GAS2: variants seen among roughly 807,000 people sequenced by gnomAD.
GAS2 encodes growth arrest specific 2.
GAS2 carries 20 observed loss-of-function variants against 37.5 expected under a neutral mutation model. The ratio of observed to expected loss-of-function variants is 0.53; its 90% CI spans 0.37 to 0.77. The LOEUF (loss-of-function observed/expected upper bound fraction) is 0.77. GAS2 is among the 30% of genes least tolerant of loss of function. The probability of loss-of-function intolerance (pLI) is 0.00; values close to 1 mark genes in which losing one functional copy is unlikely to be tolerated. For missense variants in GAS2, 336 were observed against 373.4 expected (o/e 0.90, Z 0.82); for synonymous variants, 144 against 132.2 (o/e 1.09, Z -0.61).
chr11:22,740,861 A>G (rs901468713), intron 5 of GAS2, among the ~76,000 whole-genome samples: 1 of 152,188 alleles, frequency 6.6e-6, no homozygotes, highest in African/African-American at 2.4e-5. Context: ...GCAGAACTAG[A>G]AGTGATTTTG....
At chr11:22,686,594 A>T (rs1436893837) in intron 3 of GAS2, among the ~76,000 whole-genome samples, 1 of 75,232 alleles carries the variant, frequency 1.3e-5, no homozygotes, top group Non-Finnish European at 2.6e-5. Context: ...AAAAAAAAAA[A>T]AAAAAAATAG....
chr11:22,753,110 T>G (rs1415290133), intron 6 of GAS2, among the ~76,000 whole-genome samples: 1 of 152,100 alleles, frequency 6.6e-6, no homozygotes, highest in Non-Finnish European at 1.5e-5. Flanking sequence ...GGATGAGAGA[T>G]AGTATAATTC....
chr11:22,632,900 A>T (rs1858763427), intron 1 of GAS2, among the ~76,000 whole-genome samples: 1 of 151,636 alleles, frequency 6.6e-6, no homozygotes, highest in South Asian at 2.1e-4. Flanking sequence ...TTGTTTCCAG[A>T]GTTCTGATTT....
At chr11:22,766,648 G>A (rs1350993876) in intron 7 of GAS2, among the ~76,000 whole-genome samples, 1 of 152,046 alleles carries the variant, frequency 6.6e-6, no homozygotes, top group African/African-American at 2.4e-5. Flanking sequence ...TTACAAAACA[G>A]CCTCAATAAC....
At chr11:22,805,808 G>A (rs1263549404) in intron 7 of GAS2, among the ~76,000 whole-genome samples, 2 of 152,150 alleles carry the variant, frequency 1.3e-5, no homozygotes, top group Non-Finnish European at 2.9e-5. Flanking sequence ...TGCTAAACAA[G>A]GGGTAGACTA....
intron 7 of GAS2, among the ~76,000 whole-genome samples, chr11:22,798,254 A>C (rs1856518227): frequency 6.6e-6 from 1 of 152,088 alleles, no homozygotes; most frequent in Non-Finnish European, 1.5e-5. Context: ...TATTATTTAA[A>C]AATAACAATA....
chr11:22,764,785 A>G (rs1348406047), intron 7 of GAS2, among the ~76,000 whole-genome samples: 2 of 152,166 alleles, frequency 1.3e-5, no homozygotes, highest in African/African-American at 4.8e-5. Flanking sequence ...AAAACCAAAA[A>G]TTATTCTTCA....
At chr11:22,752,508 G>A (rs373887145) in intron 6 of GAS2, among the ~76,000 whole-genome samples, 35 of 151,964 alleles carry the variant, frequency 2.3e-4, no homozygotes, top group African/African-American at 7.2e-4. Context: ...ATAGCAGTTC[G>A]GGGTTGAAAA....
chr11:22,637,229 TATA>T (rs1200695208), intron 1 of GAS2, among the ~76,000 whole-genome samples: 6 of 82,084 alleles, frequency 7.3e-5, no homozygotes, highest in East Asian at 3.4e-4. Context: ...AGTATACTAA[TATA>T]ATATTAATTA....
chr11:22,637,065 A>C (rs1051344917), intron 1 of GAS2, among the ~76,000 whole-genome samples: 3 of 132,918 alleles, frequency 2.3e-5, no homozygotes, highest in African/African-American at 8.5e-5. Flanking sequence ...ATATTATTAT[A>C]TTAATATTAT....
At chr11:22,754,212 A>G (rs115084783) in intron 6 of GAS2, among the ~76,000 whole-genome samples, 2,101 of 152,082 alleles carry the variant, frequency 0.014, 58 homozygotes, top group African/African-American at 0.048. Flanking sequence ...TCCCCCTGTG[A>G]CCTGTATAGA....
chr11:22,677,208 G>C (rs911045982), intron 2 of GAS2, among the ~76,000 whole-genome samples: 1 of 152,086 alleles, frequency 6.6e-6, no homozygotes, highest in African/African-American at 2.4e-5. Context: ...GGATCAGAGG[G>C]CTTGGGAAAT....
chr11:22,677,723 G>A (rs529345610), intron 2 of GAS2, among the ~76,000 whole-genome samples: 6 of 152,198 alleles, frequency 3.9e-5, no homozygotes, highest in South Asian at 2.1e-4. Context: ...CTAACTGGGC[G>A]TCAGGAGACC....
At chr11:22,649,538 A>G (rs928300038) in intron 1 of GAS2, among the ~76,000 whole-genome samples, 11 of 152,070 alleles carry the variant, frequency 7.2e-5, no homozygotes, top group Non-Finnish European at 1.2e-4. Flanking sequence ...CTGTGAATCC[A>G]TCTGGTCCTG....
rs201529420 is a variant in GAS2, at chr11:22,706,327, G to GT, written c.268-19954dup. Among the ~76,000 whole-genome samples, 400 of 146,960 alleles carry GT rather than the reference G, an allele frequency of 2.7e-3. 1 individual carries two copies. The highest frequency in any genetic ancestry group is 3.9e-3 in the Admixed American group (57 of 14,724). ...CAGTGGAATGGGAAAGAAGTAGACG[G>GT]TTTTTTTTTTTCTTTTATTATTATA... is the stretch of plus-strand genomic sequence containing the variant. On this transcript the variant is annotated intron_variant, in intron 3 of 7. Transcript: ENST00000454584.
intron 1 of GAS2, among the ~76,000 whole-genome samples, chr11:22,652,989 C>CTTTCTTTCTTTCTTTCTT (rs1241508695): frequency 1.1e-5 from 1 of 94,560 alleles, no homozygotes; most frequent in Non-Finnish European, 2.0e-5. Flanking sequence ...GTCTTTCTTT[C>CTTTCTTTCTTTCTTTCTT]TTTGTCTTTC....
At chr11:22,690,050 C>A (rs893277780) in intron 3 of GAS2, among the ~76,000 whole-genome samples, 2 of 152,146 alleles carry the variant, frequency 1.3e-5, no homozygotes, top group Non-Finnish European at 1.5e-5. Flanking sequence ...TTTTTTCTAG[C>A]AGCTTTAATC....
chr11:22,696,725 G>T (rs550707547), intron 3 of GAS2, among the ~76,000 whole-genome samples: 32 of 151,670 alleles, frequency 2.1e-4, no homozygotes, highest in African/African-American at 7.5e-4. Flanking sequence ...GTGTTTTTTG[G>T]CTGCATAAAT....
chr11:22,706,339 C>A (rs1365196461), intron 3 of GAS2, among the ~76,000 whole-genome samples: 1 of 147,658 alleles, frequency 6.8e-6, no homozygotes, highest in Non-Finnish European at 1.5e-5. Context: ...TTTTTTTTTT[C>A]TTTTATTATT....
Sources: gnomAD v4.1 joint callset for allele counts (sites outside exome capture counted in the v4.1 genomes callset) on GRCh38, gnomAD v4.1.1 for gene constraint, MANE v1.5 for transcripts, NCBI Gene and HGNC (gene_info 2026-07-23, HGNC 2026-07-21) for gene names.